Variants in OR2T12 observed in about 807,000 individuals in gnomAD.
OR2T12 encodes olfactory receptor 2T12.
For synonymous variants in OR2T12, 127 were observed against 160.5 expected (o/e 0.79, Z 1.58); for missense variants, 335 against 404.3 (o/e 0.83, Z 1.47).
At chr1:248,297,340 C>G (rs1388727993) in intron 2 of OR2T12, among the ~76,000 whole-genome samples, 1 of 152,152 alleles carries the variant, frequency 6.6e-6, no homozygotes, top group South Asian at 2.1e-4. Context: ...GATGTGGGCT[C>G]TTTTTTGGTT....
chr1:248,301,420 T>A lies in OR2T12; in HGVS notation c.-56A>T, dbSNP rs1659810077. 1 of 152,076 alleles carries A rather than the reference T, an allele frequency of 6.6e-6. No individual in the cohort carries two copies. The highest frequency in any genetic ancestry group is 1.9e-4 in the East Asian group (1 of 5,196). The allele number at this position is 152,076 out of a possible 1,614,324, so 9.4% of individuals were successfully genotyped here. A position where few individuals can be genotyped will look rare whatever the true frequency, so the allele number is the denominator to read the frequency against. ...ACCCAATCCTGAAGCTCAGTGTAAGTTATCCAGGATATAAACAATCTGAAA... is the reference window on the plus strand; with the variant it reads ...ACCCAATCCTGAAGCTCAGTGTAAGATATCCAGGATATAAACAATCTGAAA... On this transcript the variant is annotated 5_prime_UTR_variant, in exon 2 of 3. It removes the in-frame stop codon of an upstream open reading frame in the 5' UTR. Coordinates refer to ENST00000641276, the MANE Select transcript of OR2T12 (RefSeq NM_001004692.2).
intron 2 of OR2T12, among the ~76,000 whole-genome samples, chr1:248,296,096 T>C (rs528279701): frequency 6.7e-6 from 1 of 149,638 alleles, no homozygotes; most frequent in South Asian, 2.2e-4. Context: ...TGAGTGAGAA[T>C]ACCCGGTGTT....
chr1:248,296,452 C>A (rs1042877888), intron 2 of OR2T12, among the ~76,000 whole-genome samples: 2 of 152,182 alleles, frequency 1.3e-5, no homozygotes, highest in Non-Finnish European at 2.9e-5. Flanking sequence ...AATGGTTGAA[C>A]GAGTTTACAG....
chr1:248,297,340 C>A (rs1388727993), intron 2 of OR2T12, among the ~76,000 whole-genome samples: 8 of 152,152 alleles, frequency 5.3e-5, no homozygotes, highest in Non-Finnish European at 8.8e-5. Context: ...GATGTGGGCT[C>A]TTTTTTGGTT....
chr1:248,296,610 G>T (rs1445783974), intron 2 of OR2T12, among the ~76,000 whole-genome samples: 1 of 152,058 alleles, frequency 6.6e-6, no homozygotes, highest in Non-Finnish European at 1.5e-5. Flanking sequence ...GGCCAGTGAT[G>T]GTGAGCATTT....
chr1:248,299,094 A>AGGCT (rs1659777000), intron 2 of OR2T12, among the ~76,000 whole-genome samples: 1 of 152,218 alleles, frequency 6.6e-6, no homozygotes, highest in East Asian at 1.9e-4. Flanking sequence ...CCAAATTGTA[A>AGGCT]AGACCATCAA....
In OR2T12 at chr1:248,295,273, G is replaced by GAGC. The variant is rs1659701408; in HGVS notation, c.305_306insGCT (p.Leu102dup). 1 of 1,508,038 alleles carries GAGC rather than the reference G, an allele frequency of 6.6e-7. No homozygotes were observed. Among genetic ancestry groups the GAGC allele is most frequent in the African/African-American group, 1.6e-5 (1 of 61,872 alleles). The allele number at this position is 1,508,038 out of a possible 1,614,324, so 93.4% of individuals were successfully genotyped here. ...AGCACTCTCCACCACCCAGTGTGGGGAGGAAGAAGATCTGCACACCACAGC... is the reference window on the plus strand; with the variant it reads ...AGCACTCTCCACCACCCAGTGTGGGGAGCAGGAAGAAGATCTGCACACCACAGC... On this transcript the variant is annotated inframe_insertion, in exon 3 of 3. Transcript: ENST00000641276.
In OR2T12 at chr1:248,302,550, A is replaced by G. The variant is rs915064678; in HGVS notation, c.-190+796T>C. 3.0e-4 allele frequency among the ~76,000 whole-genome samples: 45 copies of G among 152,150 alleles called. 2 individuals carry two copies. The highest frequency in any genetic ancestry group is 1.2e-4 in the Non-Finnish European group (8 of 67,982). On this transcript the variant is annotated intron_variant, in intron 1 of 2. Transcript: ENST00000641276. Reference sequence around the variant, plus strand: ...TCCAACATATTTGTTGTAAATAAACATTTTTGTATATTCCAAGTTTAAAAA... The same window carrying G: ...TCCAACATATTTGTTGTAAATAAACGTTTTTGTATATTCCAAGTTTAAAAA...
intron 2 of OR2T12, among the ~76,000 whole-genome samples, chr1:248,300,314 C>G (rs1344830584): frequency 6.6e-6 from 1 of 152,074 alleles, no homozygotes; most frequent in Non-Finnish European, 1.5e-5. Context: ...TGATAGTAGG[C>G]AAATCATTTT....
Position 248,293,776 on chromosome 1 carries a change from C to A in OR2T12, c.*840G>T, listed in dbSNP as rs529627107. 1.3e-5 allele frequency: 2 copies of A among 152,020 alleles called. No individual in the cohort carries two copies. Among genetic ancestry groups the A allele is most frequent in the Non-Finnish European group, 2.9e-5 (2 of 67,980 alleles). 9.4% of individuals were successfully genotyped at this position (152,020 alleles called of 1,614,324 possible). A position where few individuals can be genotyped will look rare whatever the true frequency, so the allele number is the denominator to read the frequency against. Reference sequence around the variant, plus strand: ...AATAAGTCAAGGTAACCTTAAAGCACGTGTAGAAAAGAGAACTTATTTGTA... The same window carrying A: ...AATAAGTCAAGGTAACCTTAAAGCAAGTGTAGAAAAGAGAACTTATTTGTA... On this transcript the variant is annotated 3_prime_UTR_variant, in exon 3 of 3. Coordinates refer to ENST00000641276, the MANE Select transcript of OR2T12 (RefSeq NM_001004692.2).
Position 248,294,037 on chromosome 1 carries a change from T to C in OR2T12, c.*579A>G, listed in dbSNP as rs1416210222. Reference sequence around the variant, plus strand: ...ACTTAAAAATAATGTTATTTGTCTTTGGTGGAGTCCTCATATTTAGTTTTT... The same window carrying C: ...ACTTAAAAATAATGTTATTTGTCTTCGGTGGAGTCCTCATATTTAGTTTTT... On this transcript the variant is annotated 3_prime_UTR_variant, in exon 3 of 3. Coordinates refer to ENST00000641276, the MANE Select transcript of OR2T12 (RefSeq NM_001004692.2). 2.6e-5 allele frequency: 4 copies of C among 152,256 alleles called. No homozygotes were observed. Among genetic ancestry groups the C allele is most frequent in the Non-Finnish European group, 5.9e-5 (4 of 68,100 alleles). 9.4% of individuals were successfully genotyped at this position (152,256 alleles called of 1,614,324 possible). A position where few individuals can be genotyped will look rare whatever the true frequency, so the allele number is the denominator to read the frequency against.
At chr1:248,300,277 G>C (rs1211647899) in intron 2 of OR2T12, among the ~76,000 whole-genome samples, 3 of 152,140 alleles carry the variant, frequency 2.0e-5, no homozygotes, top group Non-Finnish European at 4.4e-5. Flanking sequence ...ACTAGAAATG[G>C]AGATTAAATT....
rs764836025 is a variant in OR2T12 at position 248,295,220 on chromosome 1, C to T, written c.359G>A (p.Arg120His). The T allele has an allele frequency of 6.2e-6, 10 of 1,609,216 alleles. No individual in the cohort carries two copies. The highest frequency in any genetic ancestry group is 2.2e-4 in the Middle Eastern group (1 of 4,466). Residue 120 changes from arginine to histidine, a missense_variant, in exon 3 of 3, where the codon CGC becomes CAC. Arg to His is a conservative substitution (Grantham distance 29). Transcript: ENST00000641276. ...CFLLAAMAYD[R>H]YAAVCHPLRY... ...GAGTGGGTGGCAGACAGCCGCATAG[C>T]GGTCATAGGCCATGGCTGCTAAGAG...
Position 248,294,563 on chromosome 1 carries a change from CAT to C in OR2T12, c.*51_*52del. On this transcript the variant is annotated 3_prime_UTR_variant, in exon 3 of 3. Transcript: ENST00000641276. The stretch of plus-strand genomic sequence containing the variant: ...ATGAATTACTAAAGGGAGAGAATTA[CAT>C]AGTGTTAAAATGTTAATAAATTCAG... The C allele has an allele frequency of 6.4e-7, 1 of 1,553,364 alleles. No individual in the cohort carries two copies. The highest frequency in any genetic ancestry group is 8.7e-7 in the Non-Finnish European group (1 of 1,151,390).
chr1:248,294,204 C>G lies in OR2T12; in HGVS notation c.*412G>C. The G allele has an allele frequency of 6.2e-6, 1 of 162,568 alleles. No homozygotes were observed. Among genetic ancestry groups the G allele is most frequent in the South Asian group, 1.6e-4 (1 of 6,266 alleles). The allele number at this position is 162,568 out of a possible 1,614,324, so 10.1% of individuals were successfully genotyped here. A position where few individuals can be genotyped will look rare whatever the true frequency, so the allele number is the denominator to read the frequency against. ...GAAATTAGGAACCATATTTAACTTT[C>G]CATGTGTTAATTTCTTTTTTCAGAT... On this transcript the variant is annotated 3_prime_UTR_variant, in exon 3 of 3. Transcript: ENST00000641276.
At position 248,291,029 on chromosome 1, in the gene OR2T12, T is replaced by C. The variant is rs1222139857; in HGVS notation, c.*3587A>G. On this transcript the variant is annotated 3_prime_UTR_variant, in exon 3 of 3. Transcript: ENST00000641276. ...TGTTTTTTTTTTCTTATAAATATGT[T>C]TAAGTTCCTTGTAGATTCTTGATAT... 6.6e-6 allele frequency: 1 copy of C among 151,994 alleles called. No homozygotes were observed. Among genetic ancestry groups the C allele is most frequent in the African/African-American group, 2.4e-5 (1 of 41,414 alleles). 9.4% of individuals were successfully genotyped at this position (151,994 alleles called of 1,614,324 possible).
chr1:248,300,610 G>GAA (rs1411107855), intron 2 of OR2T12, among the ~76,000 whole-genome samples: 4 of 152,082 alleles, frequency 2.6e-5, no homozygotes, highest in African/African-American at 9.7e-5. Flanking sequence ...TTCACTTCAA[G>GAA]AAAATAACTC....
intron 2 of OR2T12, among the ~76,000 whole-genome samples, chr1:248,299,460 G>A (rs1016804404): frequency 6.6e-6 from 1 of 151,904 alleles, no homozygotes; most frequent in Non-Finnish European, 1.5e-5. Context: ...TAATGGTAAA[G>A]GGATGAATTC....
In OR2T12 at chr1:248,291,261, C is replaced by G. The variant is rs891995755; in HGVS notation, c.*3355G>C. 4 of 152,082 alleles carry G rather than the reference C, an allele frequency of 2.6e-5. No individual in the cohort carries two copies. Among genetic ancestry groups the G allele is most frequent in the African/African-American group, 9.7e-5 (4 of 41,392 alleles). The allele number at this position is 152,082 out of a possible 1,614,324, so 9.4% of individuals were successfully genotyped here. The stretch of plus-strand genomic sequence containing the variant: ...TCAGCAAAGTCTCAGGATACAATAT[C>G]AATGTGTAAAAATCACAAGCTTTCC... On this transcript the variant is annotated 3_prime_UTR_variant, in exon 3 of 3. Coordinates refer to ENST00000641276, the MANE Select transcript of OR2T12 (RefSeq NM_001004692.2).
Sources: gnomAD v4.1 joint callset for allele counts (sites outside exome capture counted in the v4.1 genomes callset) on GRCh38, gnomAD v4.1.1 for gene constraint, MANE v1.5 for transcripts, NCBI Gene and HGNC (gene_info 2026-07-23, HGNC 2026-07-21) for gene names.